CSMD1: variants seen among roughly 807,000 people sequenced by gnomAD.
CSMD1 encodes CUB and Sushi multiple domains 1.
Under a neutral mutation model 417.5 loss-of-function variants are expected in CSMD1, and 213 were observed. The ratio of observed to expected loss-of-function variants is 0.51; its 90% CI spans 0.46 to 0.57. CSMD1 has a LOEUF of 0.57. Among genes scored for constraint, CSMD1 ranks in the 20% least tolerant of loss-of-function variants. The pLI is 0.00. For synonymous variants in CSMD1, 2,862 were observed against 1,736.8 expected, an observed-to-expected ratio of 1.65 and a Z score of -16.11; for missense variants, 6,923 against 4,529.7, an observed-to-expected ratio of 1.53 and a Z score of -15.17.
intron 5 of CSMD1, among the ~76,000 whole-genome samples, chr8:3,827,864 C>G (rs1378288668): frequency 6.6e-6 from 1 of 152,180 alleles, no homozygotes; most frequent in Admixed American, 6.5e-5. Context: ...CAGAAGAGCA[C>G]TTCTGATGAA....
chr8:4,521,880 C>G (rs1803471597), intron 2 of CSMD1, among the ~76,000 whole-genome samples: 1 of 152,208 alleles, frequency 6.6e-6, no homozygotes, highest in Admixed American at 6.5e-5. Context: ...GGAAAACTGT[C>G]AGGTCAAATT....
In CSMD1 at chr8:4,970,743, T is replaced by C. The variant is rs566557411; in HGVS notation, c.85+23589A>G. On this transcript the variant is annotated intron_variant, in intron 1 of 69. Coordinates refer to ENST00000635120, the MANE Select transcript of CSMD1 (RefSeq NM_033225.6). ...TCTGAAAGAGCAAGTGTGCCTGCCG[T>C]GGTTCTTTTTTTGACAAAACCAAAC... Among the ~76,000 whole-genome samples, 9 of 152,280 alleles carry C rather than the reference T, an allele frequency of 5.9e-5. No homozygotes were observed. In the South Asian group the frequency reaches 1.0e-3, roughly 18 times the overall value.
chr8:3,718,884 T>C (rs1277144446), intron 6 of CSMD1, among the ~76,000 whole-genome samples: 7 of 152,110 alleles, frequency 4.6e-5, no homozygotes, highest in Non-Finnish European at 7.4e-5. Flanking sequence ...CTTAGTCTTG[T>C]AGTGATCTAT....
chr8:4,453,459 A>C (rs1227292221), intron 2 of CSMD1, among the ~76,000 whole-genome samples: 1 of 152,188 alleles, frequency 6.6e-6, no homozygotes, highest in Non-Finnish European at 1.5e-5. Context: ...AGCAGCAAGA[A>C]CGGTGATGCG....
intron 5 of CSMD1, among the ~76,000 whole-genome samples, chr8:3,942,740 T>C (rs1039513401): frequency 4.6e-5 from 7 of 152,210 alleles, no homozygotes; most frequent in African/African-American, 7.2e-5. Flanking sequence ...AAAATACTAA[T>C]GCATGTGTGA....
At chr8:3,152,170 G>C (rs553368470) in intron 39 of CSMD1, among the ~76,000 whole-genome samples, 4 of 152,330 alleles carry the variant, frequency 2.6e-5, no homozygotes, top group African/African-American at 9.6e-5. Context: ...CTTATGCTGT[G>C]AGAGAGGGTG....
At chr8:3,603,540 G>T (rs1178207051) in intron 8 of CSMD1, among the ~76,000 whole-genome samples, 1 of 151,960 alleles carries the variant, frequency 6.6e-6, no homozygotes, top group Non-Finnish European at 1.5e-5. Flanking sequence ...AATGAACACT[G>T]GTTCAAGAAA....
At chr8:4,905,462 T>C (rs1430670542) in intron 1 of CSMD1, among the ~76,000 whole-genome samples, 1 of 152,146 alleles carries the variant, frequency 6.6e-6, no homozygotes, top group Non-Finnish European at 1.5e-5. Context: ...CTTTCTGCTT[T>C]AGGCATTCTA....
intron 3 of CSMD1, among the ~76,000 whole-genome samples, chr8:4,036,020 A>G (rs937478909): frequency 6.6e-6 from 1 of 152,012 alleles, no homozygotes; most frequent in East Asian, 1.9e-4. Context: ...TACCTTTTCT[A>G]TGTTTAGAGA....
chr8:4,941,029 C>T (rs1807963392), intron 1 of CSMD1, among the ~76,000 whole-genome samples: 1 of 152,146 alleles, frequency 6.6e-6, no homozygotes, highest in African/African-American at 2.4e-5. Context: ...GAACAATCTA[C>T]ACTTTTCATT....
intron 1 of CSMD1, among the ~76,000 whole-genome samples, chr8:4,806,580 A>G (rs1347934979): frequency 2.6e-5 from 4 of 152,242 alleles, no homozygotes; most frequent in Non-Finnish European, 5.9e-5. Flanking sequence ...GACGATAATC[A>G]TATTTTTCAA....
intron 3 of CSMD1, among the ~76,000 whole-genome samples, chr8:4,382,261 A>G (rs1441047213): frequency 6.6e-6 from 1 of 152,210 alleles, no homozygotes; most frequent in African/African-American, 2.4e-5. Context: ...AAGATCATTG[A>G]CCTGACAGCA....
intron 49 of CSMD1, among the ~76,000 whole-genome samples, chr8:3,064,078 T>C (rs907964699): frequency 1.3e-5 from 2 of 152,220 alleles, no homozygotes; most frequent in Admixed American, 1.3e-4. Flanking sequence ...CTCTTTCATT[T>C]ACAGGTGAAG....
intron 7 of CSMD1, among the ~76,000 whole-genome samples, chr8:3,637,734 T>C (rs537340672): frequency 6.6e-6 from 1 of 152,322 alleles, no homozygotes; most frequent in East Asian, 1.9e-4. Context: ...GGTTTGGCTG[T>C]GTCCCCACCC....
intron 5 of CSMD1, among the ~76,000 whole-genome samples, chr8:3,959,172 A>G (rs1812159525): frequency 6.6e-6 from 1 of 152,218 alleles, no homozygotes; most frequent in Non-Finnish European, 1.5e-5. Context: ...AAGAAGTTAC[A>G]GGGCATCTTT....
intron 5 of CSMD1, among the ~76,000 whole-genome samples, chr8:3,812,792 G>A (rs1311609200): frequency 6.6e-6 from 1 of 152,158 alleles, no homozygotes; most frequent in Non-Finnish European, 1.5e-5. Context: ...AGTAGCTATT[G>A]AATTAACTGT....
chr8:4,719,972 T>G (rs897737034), intron 1 of CSMD1, among the ~76,000 whole-genome samples: 9 of 152,098 alleles, frequency 5.9e-5, no homozygotes, highest in Non-Finnish European at 8.8e-5. Flanking sequence ...TTGTCTACAT[T>G]TTACCTACAA....
chr8:3,422,678 T>C (rs1248852339), intron 12 of CSMD1, among the ~76,000 whole-genome samples: 2 of 152,224 alleles, frequency 1.3e-5, no homozygotes, highest in Non-Finnish European at 2.9e-5. Context: ...ATTTTTCTGA[T>C]GCCAGTGATT....
intron 1 of CSMD1, among the ~76,000 whole-genome samples, chr8:4,897,366 G>A (rs527380551): frequency 2.0e-4 from 30 of 152,140 alleles, no homozygotes; most frequent in African/African-American, 7.0e-4. Flanking sequence ...ATGGGCGAGT[G>A]GGGTACCAAT....
Sources: gnomAD v4.1 joint callset for allele counts (sites outside exome capture counted in the v4.1 genomes callset) on GRCh38, gnomAD v4.1.1 for gene constraint, MANE v1.5 for transcripts, NCBI Gene and HGNC (gene_info 2026-07-23, HGNC 2026-07-21) for gene names.